The following TENM1 variants were observed in gnomAD, a reference collection of about 807,000 sequenced individuals.
TENM1 encodes teneurin transmembrane protein 1, also known as teneurin-1.
In TENM1, 35 loss-of-function variants were observed where a neutral mutation model predicts 174.8. The ratio of observed to expected loss-of-function variants is 0.20; its 90% confidence interval spans 0.15 to 0.27. TENM1 has a LOEUF of 0.27. TENM1 is among the 10% of genes least tolerant of loss of function. TENM1 has a pLI of 1.00. For missense variants in TENM1, 1,633 were observed against 2,130.1 expected (o/e 0.77, Z 4.59); for synonymous variants, 781 against 798.7 (o/e 0.98, Z 0.37).
At chrX:124,751,916 A>C (rs1388697224) in intron 3 of TENM1, among the ~76,000 whole-genome samples, 1 of 110,326 alleles carries the variant, frequency 9.1e-6, no homozygotes, top group Non-Finnish European at 1.9e-5. Flanking sequence ...GTTGGTTCCA[A>C]GTCTTTGCTA....
At chrX:124,714,076 A>T (rs982744505) in intron 4 of TENM1, among the ~76,000 whole-genome samples, 10 of 112,028 alleles carry the variant, frequency 8.9e-5, no homozygotes, top group African/African-American at 3.2e-4. Flanking sequence ...ATTATGTGCC[A>T]GGTACTCTGC....
At chrX:124,561,784 C>A in exon 14 of TENM1, 1 of 1,211,023 alleles carries the variant, frequency 8.3e-7, no homozygotes, top group South Asian at 1.8e-5. Context: ...CAGGGTACAT[C>A]GTCCATTTCC....
chrX:124,782,444 C>G (rs1199722015), intron 3 of TENM1, among the ~76,000 whole-genome samples: 1 of 110,733 alleles, frequency 9.0e-6, no homozygotes, highest in African/African-American at 3.3e-5. Context: ...CTCTTACCCC[C>G]CTCCCATGAC....
the TENM1 span, among the ~76,000 whole-genome samples, chrX:125,090,418 C>T: frequency 4.6e-5 from 5 of 109,263 alleles, no homozygotes; most frequent in East Asian, 2.9e-4. Flanking sequence ...GGCTGAGACA[C>T]GTGCATCGCT....
intron 3 of TENM1, among the ~76,000 whole-genome samples, chrX:124,759,830 T>C (rs899594111): frequency 5.4e-5 from 6 of 112,113 alleles, no homozygotes; most frequent in African/African-American, 1.3e-4. Flanking sequence ...TAGGTTGCCA[T>C]AACAATACGC....
the TENM1 span, among the ~76,000 whole-genome samples, chrX:125,075,636 C>CAT: frequency 9.0e-6 from 1 of 111,277 alleles, no homozygotes; most frequent in Admixed American, 9.6e-5. Flanking sequence ...AAAGAAGCCC[C>CAT]ATATCCTTTC....
At chrX:125,142,598 A>C in the TENM1 span, among the ~76,000 whole-genome samples, 20 of 110,410 alleles carry the variant, frequency 1.8e-4, no homozygotes, top group Non-Finnish European at 3.8e-4. Context: ...AAGCTGAAAA[A>C]CCCCACTGCT....
chrX:124,525,257 A>T (rs2047947752), intron 16 of TENM1, among the ~76,000 whole-genome samples: 1 of 112,487 alleles, frequency 8.9e-6, no homozygotes. Context: ...GATTTGAAGA[A>T]CTGCATTAGC....
chrX:125,163,708 T>C, the TENM1 span, among the ~76,000 whole-genome samples: 2 of 111,533 alleles, frequency 1.8e-5, no homozygotes, highest in Admixed American at 1.9e-4. Flanking sequence ...TTTGTCACTT[T>C]TTCCTTCTCA....
At chrX:124,467,085 C>G (rs2061249175) in intron 22 of TENM1, among the ~76,000 whole-genome samples, 1 of 111,460 alleles carries the variant, frequency 9.0e-6, no homozygotes, top group African/African-American at 3.3e-5. Context: ...ACCTACCCAC[C>G]TTCCTTTTCC....
intron 1 of TENM1, among the ~76,000 whole-genome samples, chrX:124,956,838 A>T (rs1387841358): frequency 8.9e-6 from 1 of 112,501 alleles, no homozygotes; most frequent in Non-Finnish European, 1.9e-5. Context: ...TTTGCCATGT[A>T]AATACAGATC....
the TENM1 span, among the ~76,000 whole-genome samples, chrX:125,117,366 C>A: frequency 8.9e-6 from 1 of 112,187 alleles, no homozygotes; most frequent in African/African-American, 3.2e-5. Context: ...GAATACTATG[C>A]AGCCATAAAA....
chrX:124,459,623 CA>C (rs2061146400), intron 22 of TENM1, among the ~76,000 whole-genome samples: 1 of 111,117 alleles, frequency 9.0e-6, no homozygotes, highest in Non-Finnish European at 1.9e-5. Flanking sequence ...AAGTAAAACC[CA>C]AAACTATAAA....
chrX:124,614,854 C>G (rs756784539), intron 11 of TENM1, among the ~76,000 whole-genome samples: 222 of 111,938 alleles, frequency 2.0e-3, no homozygotes, highest in African/African-American at 6.7e-3. Flanking sequence ...ATGCACTCCA[C>G]CCTGGGTGAT....
chrX:125,161,280 A>G, the TENM1 span, among the ~76,000 whole-genome samples: 2 of 111,664 alleles, frequency 1.8e-5, no homozygotes, highest in Non-Finnish European at 3.8e-5. Context: ...TCATCTCTAG[A>G]TTACTTATAA....
intron 1 of TENM1, among the ~76,000 whole-genome samples, chrX:124,958,966 C>G (rs5911926): frequency 9.1e-6 from 1 of 110,187 alleles, no homozygotes; most frequent in Non-Finnish European, 1.9e-5. Context: ...CATCTAGTAC[C>G]GTACCTGGTA....
intron 3 of TENM1, among the ~76,000 whole-genome samples, chrX:124,829,689 T>C (rs1051593816): frequency 2.7e-5 from 3 of 111,701 alleles, no homozygotes; most frequent in Non-Finnish European, 5.6e-5. Context: ...CAACAAAAGG[T>C]AGTGGGTGAG....
At chrX:124,586,787 C>A (rs1192453860) in intron 11 of TENM1, among the ~76,000 whole-genome samples, 2 of 106,293 alleles carry the variant, frequency 1.9e-5, no homozygotes, top group Non-Finnish European at 3.9e-5. Flanking sequence ...ATCTAGAAAA[C>A]CCCATTGTCT....
chrX:124,561,763 C>A (rs1430855596), exon 14 of TENM1: 1 of 1,211,162 alleles, frequency 8.3e-7, no homozygotes, highest in Admixed American at 2.2e-5. Flanking sequence ...ACAGTGCCAA[C>A]CATTTTGATC....
Sources: allele counts gnomAD v4.1 joint callset (sites outside exome capture counted in the v4.1 genomes callset), GRCh38; gene constraint gnomAD v4.1.1; transcripts MANE v1.5; gene names NCBI Gene and HGNC (gene_info 2026-07-23, HGNC 2026-07-21).